LUZP2: variants seen among roughly 807,000 people sequenced by gnomAD.
The protein encoded by LUZP2 is leucine zipper protein 2.
LUZP2 carries 52 observed loss-of-function variants against 51.6 expected under a neutral mutation model. That is an observed-to-expected ratio of 1.01 (90% CI 0.81 to 1.27). The LOEUF (loss-of-function observed/expected upper bound fraction) is 1.27, where lower values mean the gene tolerates loss of function less well. Among genes scored for constraint, LUZP2 ranks in the 50% most tolerant of loss-of-function variants. The probability of loss-of-function intolerance (pLI) is 0.00; values close to 1 mark genes in which losing one functional copy is unlikely to be tolerated. For synonymous variants in LUZP2, 154 were observed against 137.3 expected (o/e 1.12, Z -0.85); for missense variants, 436 against 395.4 (o/e 1.10, Z -0.87).
intron 7 of LUZP2, among the ~76,000 whole-genome samples, chr11:24,969,739 G>A (rs896548995): frequency 1.3e-5 from 2 of 152,110 alleles, no homozygotes; most frequent in African/African-American, 2.4e-5. Context: ...AAGAAATTAC[G>A]TCTCCATCTT....
At chr11:24,856,674 A>T (rs1851577186) in intron 5 of LUZP2, among the ~76,000 whole-genome samples, 1 of 152,118 alleles carries the variant, frequency 6.6e-6, no homozygotes, top group South Asian at 2.1e-4. Flanking sequence ...ATGGGTCAAT[A>T]GAAGTGTCCA....
chr11:24,744,770 G>C (rs978773625), intron 4 of LUZP2, among the ~76,000 whole-genome samples: 1 of 151,472 alleles, frequency 6.6e-6, no homozygotes, highest in Non-Finnish European at 1.5e-5. Context: ...GTTTGTTCTT[G>C]TTTCTCTAGT....
chr11:24,757,096 C>G (rs1859803503), intron 4 of LUZP2, among the ~76,000 whole-genome samples: 1 of 152,204 alleles, frequency 6.6e-6, no homozygotes, highest in Non-Finnish European at 1.5e-5. Context: ...CATCTGCGTG[C>G]TTAGCTCAGG....
intron 9 of LUZP2, among the ~76,000 whole-genome samples, chr11:24,989,101 TAAAAAAA>T (rs67413838): frequency 7.0e-6 from 1 of 143,748 alleles, no homozygotes; most frequent in Admixed American, 7.0e-5. Flanking sequence ...CCTGTGCAGT[TAAAAAAA>T]AAAAAAAAGA....
chr11:24,532,269 AT>A (rs149503292), intron 1 of LUZP2, among the ~76,000 whole-genome samples: 8,598 of 150,804 alleles, frequency 0.057, 785 homozygotes, highest in African/African-American at 0.2. Context: ...ATTTAAAAAA[AT>A]AAGAATAATT....
At chr11:24,536,789 T>C (rs947328644) in intron 1 of LUZP2, among the ~76,000 whole-genome samples, 1 of 151,930 alleles carries the variant, frequency 6.6e-6, no homozygotes, top group Non-Finnish European at 1.5e-5. Context: ...GCTATCTCTT[T>C]GACACAAGAA....
At chr11:24,798,943 G>A (rs1477651142) in intron 5 of LUZP2, among the ~76,000 whole-genome samples, 2 of 152,102 alleles carry the variant, frequency 1.3e-5, no homozygotes, top group Non-Finnish European at 2.9e-5. Context: ...TCCTTACTAT[G>A]TGTTCAACAT....
chr11:24,802,746 T>C (rs1001338885), intron 5 of LUZP2, among the ~76,000 whole-genome samples: 1 of 152,044 alleles, frequency 6.6e-6, no homozygotes, highest in African/African-American at 2.4e-5. Flanking sequence ...GGTTTGAATG[T>C]GTGAGTCTCT....
intron 1 of LUZP2, among the ~76,000 whole-genome samples, chr11:24,688,326 A>G (rs571226640): frequency 6.6e-4 from 101 of 152,274 alleles, no homozygotes; most frequent in Admixed American, 3.1e-3. Context: ...GCACTTGCCC[A>G]ATACTATGTA....
intron 5 of LUZP2, among the ~76,000 whole-genome samples, chr11:24,895,244 TG>T (rs774052382): frequency 3.3e-5 from 5 of 152,134 alleles, no homozygotes; most frequent in Non-Finnish European, 5.9e-5. Flanking sequence ...AATTCGCTCT[TG>T]GAAGAACCCA....
At chr11:24,855,125 A>T (rs1221826124) in intron 5 of LUZP2, among the ~76,000 whole-genome samples, 1 of 152,198 alleles carries the variant, frequency 6.6e-6, no homozygotes, top group African/African-American at 2.4e-5. Flanking sequence ...TGAAAGTCCT[A>T]GCCAGAGCAA....
At position 24,555,754 on chromosome 11, in the gene LUZP2, C is replaced by T. The variant is rs148120210; in HGVS notation, c.62+58449C>T. ...ATGTTGGGAGGCCAGGTGGGAGGAT[C>T]GCTTGAGTACAGTAGTTCAAGACCA... On this transcript the variant is annotated intron_variant, in intron 1 of 11. Coordinates refer to ENST00000336930, the MANE Select transcript of LUZP2 (RefSeq NM_001009909.4). Among the ~76,000 whole-genome samples, 688 of 152,180 alleles carry T rather than the reference C, an allele frequency of 4.5e-3. 6 individuals are homozygous for T. Among genetic ancestry groups the T allele is most frequent in the South Asian group, 0.01 (50 of 4,824 alleles).
intron 7 of LUZP2, among the ~76,000 whole-genome samples, chr11:24,943,673 T>C (rs1183410004): frequency 6.6e-6 from 1 of 151,772 alleles, no homozygotes; most frequent in East Asian, 1.9e-4. Flanking sequence ...AGGTCAGGAG[T>C]TCGAGACCAG....
intron 5 of LUZP2, among the ~76,000 whole-genome samples, chr11:24,801,437 C>A (rs1306910573): frequency 6.6e-6 from 1 of 151,712 alleles, no homozygotes; most frequent in Non-Finnish European, 1.5e-5. Context: ...ATCGTGTTAA[C>A]CATTTGAAAA....
chr11:25,077,654 C>G (rs1199929513), intron 11 of LUZP2, among the ~76,000 whole-genome samples: 1 of 151,766 alleles, frequency 6.6e-6, no homozygotes, highest in Non-Finnish European at 1.5e-5. Context: ...CGCCCACCAC[C>G]ACGCCCAAAT....
Position 24,531,116 on chromosome 11 carries a change from G to A in LUZP2, c.62+33811G>A, listed in dbSNP as rs535293497. 3.4e-5 allele frequency among the ~76,000 whole-genome samples: 5 copies of A among 148,274 alleles called. 1 individual carries two copies. The South Asian group carries it at 1.0e-3, about 31-fold the overall frequency. On this transcript the variant is annotated intron_variant, in intron 1 of 11. Transcript: ENST00000336930. ...TACCATAAAAAAGCAACTTCATAAT[G>A]CACTGTGTTTCACATTACCCTTGTT...
Position 24,914,459 on chromosome 11 carries a change from A to G in LUZP2, c.460-17A>G, listed in dbSNP as rs770584788. 1.3e-6 allele frequency: 2 copies of G among 1,577,394 alleles called. No individual in the cohort carries two copies. The highest frequency in any genetic ancestry group is 1.4e-5 in the African/African-American group (1 of 73,530). On this transcript the variant is annotated splice_polypyrimidine_tract_variant and intron_variant, in intron 6 of 11. Transcript: ENST00000336930. Reference sequence around the variant, plus strand: ...TATAAATGAGTTACACAACTTATCCATGTTTTTGCCTTACAGTCAAAAAAA... The same window carrying G: ...TATAAATGAGTTACACAACTTATCCGTGTTTTTGCCTTACAGTCAAAAAAA...
chr11:24,592,973 C>T (rs998557522), intron 1 of LUZP2, among the ~76,000 whole-genome samples: 10 of 152,192 alleles, frequency 6.6e-5, no homozygotes, highest in Non-Finnish European at 1.2e-4. Flanking sequence ...CTTAATGTCC[C>T]CCTGAAGGGA....
chr11:24,835,688 C>G (rs1850842597), intron 5 of LUZP2, among the ~76,000 whole-genome samples: 1 of 151,930 alleles, frequency 6.6e-6, no homozygotes, highest in African/African-American at 2.4e-5. Context: ...TTTCCTGATG[C>G]CTATTTCATT....
Sources: allele counts gnomAD v4.1 joint callset (sites outside exome capture counted in the v4.1 genomes callset), GRCh38; gene constraint gnomAD v4.1.1; transcripts MANE v1.5; gene names NCBI Gene and HGNC (gene_info 2026-07-23, HGNC 2026-07-21).